The following FBXO32 variants were observed in gnomAD, a reference collection of about 807,000 sequenced individuals.
The protein encoded by FBXO32 is F-box only protein 32.
A neutral mutation model predicts 48.3 loss-of-function variants in FBXO32; 15 were observed. The ratio of observed to expected loss-of-function variants is 0.31; its 90% CI spans 0.21 to 0.48. FBXO32 has a LOEUF of 0.48. Among genes scored for constraint, FBXO32 ranks in the 20% least tolerant of loss-of-function variants. The pLI is 0.99. For missense variants in FBXO32, 309 were observed against 432.7 expected (o/e 0.71, Z 2.54); for synonymous variants, 154 against 165.9 (o/e 0.93, Z 0.55).
At chr8:123,515,286 AGTGCAATG>A (rs1354436505) in intron 4 of FBXO32, among the ~76,000 whole-genome samples, 1 of 152,150 alleles carries the variant, frequency 6.6e-6, no homozygotes, top group Non-Finnish European at 1.5e-5. Flanking sequence ...CCCAGGCTGG[AGTGCAATG>A]GTGCAATCTC....
At position 123,541,078 on chromosome 8, in the gene FBXO32, CACCCGGGGCGGAT is replaced by C. The variant is rs1817403280; in HGVS notation, c.-77_-65del. 8.7e-7 allele frequency: 1 copy of C among 1,148,084 alleles called. No individual in the cohort carries two copies. Among genetic ancestry groups the C allele is most frequent in the Non-Finnish European group, 1.2e-6 (1 of 842,182 alleles). The allele number at this position is 1,148,084 out of a possible 1,614,324, so 71.1% of individuals were successfully genotyped here. A position where few individuals can be genotyped will look rare whatever the true frequency, so the allele number is the denominator to read the frequency against. Reference sequence around the variant, plus strand: ...CGGCCTGGTGGGCTCGGGGACGTGCCACCCGGGGCGGATGCTCGGGGTGCAGGGGCCCGCGACG... The same window carrying C: ...CGGCCTGGTGGGCTCGGGGACGTGCCGCTCGGGGTGCAGGGGCCCGCGACG... On this transcript the variant is annotated 5_prime_UTR_variant, in exon 1 of 9. Transcript: ENST00000517956.
chr8:123,502,016 T>C lies in FBXO32; in HGVS notation c.*1357A>G, dbSNP rs1291691253. 4.6e-5 allele frequency: 7 copies of C among 152,268 alleles called. No homozygotes were observed. In the South Asian group the frequency reaches 1.2e-3, roughly 27 times the overall value. 9.4% of individuals were successfully genotyped at this position (152,268 alleles called of 1,614,324 possible). On this transcript the variant is annotated 3_prime_UTR_variant, in exon 9 of 9. Coordinates refer to ENST00000517956, the MANE Select transcript of FBXO32 (RefSeq NM_058229.4). ...TCTTCCACAGTTACCTGCTGATATT[T>C]GCCTCGTAAGATCCCCTTGGGATCT...
Position 123,503,304 on chromosome 8 carries a change from C to A in FBXO32, c.*69G>T. On this transcript the variant is annotated 3_prime_UTR_variant, in exon 9 of 9. Coordinates refer to ENST00000517956, the MANE Select transcript of FBXO32 (RefSeq NM_058229.4). Reference sequence around the variant, plus strand: ...TGTACACTATTTACAAATGAAGTGTCCAAATGCCATATTCCCAGCTCTCCA... The same window carrying A: ...TGTACACTATTTACAAATGAAGTGTACAAATGCCATATTCCCAGCTCTCCA... 1 of 1,284,224 alleles carries A rather than the reference C, an allele frequency of 7.8e-7. No homozygotes were observed. Among genetic ancestry groups the A allele is most frequent in the South Asian group, 1.2e-5 (1 of 82,002 alleles). 79.6% of individuals were successfully genotyped at this position (1,284,224 alleles called of 1,614,324 possible). A position where few individuals can be genotyped will look rare whatever the true frequency, so the allele number is the denominator to read the frequency against.
At chr8:123,504,201 T>C (rs1280100543) in intron 8 of FBXO32, among the ~76,000 whole-genome samples, 5 of 152,160 alleles carry the variant, frequency 3.3e-5, no homozygotes, top group Non-Finnish European at 5.9e-5. Context: ...TCAAAGTACA[T>C]TGATTTAATC....
intron 4 of FBXO32, among the ~76,000 whole-genome samples, chr8:123,522,745 A>G (rs1161648042): frequency 1.3e-5 from 2 of 152,160 alleles, no homozygotes; most frequent in African/African-American, 4.8e-5. Flanking sequence ...TTGTCCCTGC[A>G]AAGCCTTCCA....
At chr8:123,528,252 T>C (rs1385024042) in intron 4 of FBXO32, among the ~76,000 whole-genome samples, 2 of 152,172 alleles carry the variant, frequency 1.3e-5, no homozygotes, top group Non-Finnish European at 2.9e-5. Flanking sequence ...AGCCATTACA[T>C]GGGTGATGGT....
chr8:123,536,529 C>T (rs1390731076), intron 1 of FBXO32, among the ~76,000 whole-genome samples: 1 of 152,180 alleles, frequency 6.6e-6, no homozygotes, highest in Non-Finnish European at 1.5e-5. Context: ...AGAAAAACAG[C>T]AAACGATGGA....
chr8:123,503,567 A>G, intron 8 of FBXO32, 105 bp from the exon 9 acceptor site: 1 of 776,948 alleles, frequency 1.3e-6, no homozygotes. Flanking sequence ...TCTGTCAATA[A>G]TGCCCCAGGC....
Position 123,506,265 on chromosome 8 carries a change from T to G in FBXO32, c.834+127A>C. The G allele has an allele frequency of 9.6e-7, 1 of 1,043,946 alleles. No individual in the cohort carries two copies. Among genetic ancestry groups the G allele is most frequent in the South Asian group, 1.6e-5 (1 of 64,446 alleles). The allele number at this position is 1,043,946 out of a possible 1,614,324, so 64.7% of individuals were successfully genotyped here. A position where few individuals can be genotyped will look rare whatever the true frequency, so the allele number is the denominator to read the frequency against. ...TCACAAAACTCCTTCAACTGTCATT[T>G]TTCAGTCAAACCAGGGAACCTGGAA... On this transcript the variant is annotated intron_variant, in intron 7 of 8. Transcript: ENST00000517956. The surrounding 1 kb of genome is among the most constrained non-coding windows in gnomAD (Gnocchi z 4.0).
chr8:123,534,587 C>A, intron 2 of FBXO32, 115 bp downstream of exon 2: 1 of 613,734 alleles, frequency 1.6e-6, no homozygotes, highest in Non-Finnish European at 2.9e-6. Flanking sequence ...CAGTGACACA[C>A]AGTAAAACAC....
At position 123,506,374 on chromosome 8, in the gene FBXO32, C is replaced by A. The variant is rs1586988002; in HGVS notation, c.834+18G>T. 6.2e-7 allele frequency: 1 copy of A among 1,611,608 alleles called. No individual in the cohort carries two copies. Among genetic ancestry groups the A allele is most frequent in the East Asian group, 2.2e-5 (1 of 44,834 alleles). On this transcript the variant is annotated intron_variant, in intron 7 of 8. Coordinates refer to ENST00000517956, the MANE Select transcript of FBXO32 (RefSeq NM_058229.4). This position sits in a 1 kb window ranked among gnomAD's most constrained non-coding sequence, Gnocchi z 4.0. ...CAGAGAAGGAGGGTGGGAGGAAAGCCCACTGGGCCTTGCTGACCTGCCGCT... is the reference window on the plus strand; with the variant it reads ...CAGAGAAGGAGGGTGGGAGGAAAGCACACTGGGCCTTGCTGACCTGCCGCT...
intron 1 of FBXO32, 74 bp from the exon 2 acceptor site, chr8:123,534,888 T>A: frequency 1.2e-6 from 1 of 867,548 alleles, no homozygotes; most frequent in Non-Finnish European, 1.8e-6. Context: ...TATAAATAAC[T>A]CACTGAGTTA....
intron 4 of FBXO32, among the ~76,000 whole-genome samples, chr8:123,520,173 T>C (rs1816923219): frequency 6.6e-6 from 1 of 152,218 alleles, no homozygotes; most frequent in African/African-American, 2.4e-5. Flanking sequence ...CCAGGATGAC[T>C]TAGCCAATTG....
intron 1 of FBXO32, among the ~76,000 whole-genome samples, chr8:123,537,711 T>C (rs1205348133): frequency 6.6e-6 from 1 of 152,204 alleles, no homozygotes; most frequent in East Asian, 1.9e-4. Context: ...CAGCCTAGTG[T>C]ATAACGCTCA....
intron 7 of FBXO32, among the ~76,000 whole-genome samples, chr8:123,505,133 G>A (rs111639702): frequency 6.6e-6 from 1 of 152,120 alleles, no homozygotes; most frequent in African/African-American, 2.4e-5. Context: ...TGGCACCAGG[G>A]CTCTATTTTA....
rs1174475989 is a variant in FBXO32 at position 123,518,597 on chromosome 8, C to CTAACAA, written c.373-4270_373-4265dup. Among the ~76,000 whole-genome samples the CTAACAA allele has an allele frequency of 3.9e-5, 6 of 152,246 alleles. No individual in the cohort carries two copies. In the East Asian group the frequency reaches 5.8e-4, roughly 15 times the overall value. ...TTTTCTACCATGGAGTCTTATTTTG[C>CTAACAA]TAACAATAACAATAACAATGGGGTG... On this transcript the variant is annotated intron_variant, in intron 4 of 8. Transcript: ENST00000517956.
In FBXO32 at chr8:123,540,881, G is replaced by T. The variant is rs201820065; in HGVS notation, c.116+18C>A. 2.0e-4 allele frequency: 313 copies of T among 1,599,186 alleles called. No homozygotes were observed. The highest frequency in any genetic ancestry group is 2.5e-4 in the Non-Finnish European group (293 of 1,168,080). On this transcript the variant is annotated intron_variant, in intron 1 of 8. Transcript: ENST00000517956. This position sits in a 1 kb window ranked among gnomAD's most constrained non-coding sequence, Gnocchi z 6.4. ...GTCAGTTTCGCGGGGGCTGGAAGTTGGTAGCGGGTCCCCTCACCTGCTGAG... is the reference window on the plus strand; with the variant it reads ...GTCAGTTTCGCGGGGGCTGGAAGTTTGTAGCGGGTCCCCTCACCTGCTGAG...
chr8:123,533,254 A>G lies in FBXO32; in HGVS notation c.230-14T>C, dbSNP rs746387681. 4.4e-6 allele frequency: 7 copies of G among 1,598,652 alleles called. No individual in the cohort carries two copies. The South Asian group carries it at 7.7e-5, about 18-fold the overall frequency. ...CTTGGTGGAAATCTACAGAGACAAA[A>G]AGAATACACAGCTTTAACATCTGCA... On this transcript the variant is annotated splice_polypyrimidine_tract_variant and intron_variant, in intron 2 of 8. Transcript: ENST00000517956.
intron 7 of FBXO32, among the ~76,000 whole-genome samples, chr8:123,505,660 A>G (rs574599605): frequency 6.6e-6 from 1 of 152,206 alleles, no homozygotes; most frequent in South Asian, 2.1e-4. Context: ...CATTTGAACC[A>G]GGGAGGCAGA....
Sources: gnomAD v4.1 joint callset for allele counts (sites outside exome capture counted in the v4.1 genomes callset) on GRCh38, gnomAD v4.1.1 for gene constraint, Gnocchi (gnomAD v3.1) non-coding constraint, MANE v1.5 for transcripts, NCBI Gene and HGNC (gene_info 2026-07-23, HGNC 2026-07-21) for gene names.